CCDC192: variants seen among roughly 807,000 people sequenced by gnomAD.
The protein encoded by CCDC192 is coiled-coil domain-containing protein 192.
chr5:127,906,711 G>A (rs773079050), intron 6 of CCDC192, among the ~76,000 whole-genome samples: 10 of 152,032 alleles, frequency 6.6e-5, no homozygotes, highest in East Asian at 1.9e-4. Context: ...ACCTGAGCTC[G>A]GGAGTTAGAG....
intron 3 of CCDC192, chr5:127,785,929 T>C (rs983920980): frequency 3.3e-5 from 15 of 452,004 alleles, no homozygotes; most frequent in African/African-American, 3.1e-4. Flanking sequence ...GCATTTTTTA[T>C]GAAGGTCAAG....
At chr5:127,927,426 G>T (rs1304147851) in intron 6 of CCDC192, among the ~76,000 whole-genome samples, 2 of 152,186 alleles carry the variant, frequency 1.3e-5, no homozygotes, top group Non-Finnish European at 2.9e-5. Context: ...TCCACGGGGG[G>T]TCTTGGAACT....
At chr5:127,911,580 G>C (rs1233502280) in intron 6 of CCDC192, among the ~76,000 whole-genome samples, 1 of 151,910 alleles carries the variant, frequency 6.6e-6, no homozygotes, top group Non-Finnish European at 1.5e-5. Context: ...TATACAAAGA[G>C]ACAATTTTTC....
chr5:127,751,007 T>A (rs1086483), intron 2 of CCDC192, among the ~76,000 whole-genome samples: 38,838 of 143,892 alleles, frequency 0.27, 5,787 homozygotes, highest in South Asian at 0.42. Context: ...CCTATGTGTG[T>A]CTCTGCACGT....
chr5:127,768,605 G>C (rs900117002), intron 3 of CCDC192, among the ~76,000 whole-genome samples: 1 of 152,172 alleles, frequency 6.6e-6, no homozygotes, highest in South Asian at 2.1e-4. Context: ...TTTTATGGCA[G>C]CCATAGCAGA....
intron 5 of CCDC192, among the ~76,000 whole-genome samples, chr5:127,804,763 T>A (rs1432641): frequency 0.78 from 118,355 of 152,108 alleles, 46,173 homozygotes; most frequent in East Asian, 0.9. Context: ...TGCTAAAGTC[T>A]GAAATTCTGG....
chr5:127,733,747 C>G lies in CCDC192; in HGVS notation c.115-20521C>G, dbSNP rs138641424. ...GATATTACTTCTAAGTCTTCTATCACTGTAGCCTCTGAAAACAGAATGACC... is the reference window on the plus strand; with the variant it reads ...GATATTACTTCTAAGTCTTCTATCAGTGTAGCCTCTGAAAACAGAATGACC... On this transcript the variant is annotated intron_variant, in intron 2 of 6. Transcript: ENST00000514853. Among the ~76,000 whole-genome samples the G allele has an allele frequency of 4.5e-3, 690 of 152,088 alleles. 4 individuals carry two copies. The highest frequency in any genetic ancestry group is 0.016 in the African/African-American group (666 of 41,500).
chr5:127,867,850 T>A (rs932772390), intron 5 of CCDC192, among the ~76,000 whole-genome samples: 1 of 152,172 alleles, frequency 6.6e-6, no homozygotes, highest in African/African-American at 2.4e-5. Context: ...ATCAACTTCA[T>A]TGATGTTTAC....
At chr5:127,869,986 C>T (rs991559549) in intron 5 of CCDC192, among the ~76,000 whole-genome samples, 1 of 152,124 alleles carries the variant, frequency 6.6e-6, no homozygotes, top group Non-Finnish European at 1.5e-5. Context: ...GGCTCTGGGT[C>T]AAGGTTAGGG....
At chr5:127,914,904 G>C (rs940662258) in intron 6 of CCDC192, among the ~76,000 whole-genome samples, 1 of 152,166 alleles carries the variant, frequency 6.6e-6, no homozygotes, top group African/African-American at 2.4e-5. Flanking sequence ...AAGGGCCCAA[G>C]TTTGAACATG....
At chr5:127,729,323 T>C (rs1241544540) in intron 2 of CCDC192, among the ~76,000 whole-genome samples, 1 of 152,202 alleles carries the variant, frequency 6.6e-6, no homozygotes, top group Non-Finnish European at 1.5e-5. Flanking sequence ...CTATCCTAAA[T>C]ATATATGCAC....
intron 3 of CCDC192, among the ~76,000 whole-genome samples, chr5:127,790,700 A>G (rs1756820321): frequency 1.3e-5 from 2 of 152,326 alleles, no homozygotes; most frequent in Middle Eastern, 3.4e-3. Flanking sequence ...AAGTGAAAAC[A>G]TATTAGGCAT....
At chr5:127,719,231 G>A (rs548470631) in intron 2 of CCDC192, among the ~76,000 whole-genome samples, 10 of 151,990 alleles carry the variant, frequency 6.6e-5, no homozygotes, top group East Asian at 1.9e-4. Flanking sequence ...ACAGGATATC[G>A]TTCTTTTATA....
At chr5:127,874,055 A>T (rs1751970093) in intron 5 of CCDC192, among the ~76,000 whole-genome samples, 1 of 152,126 alleles carries the variant, frequency 6.6e-6, no homozygotes, top group African/African-American at 2.4e-5. Context: ...GGAGGCAGAG[A>T]CTATCAGCCT....
At chr5:127,781,538 T>G (rs1756220580) in intron 3 of CCDC192, among the ~76,000 whole-genome samples, 1 of 152,006 alleles carries the variant, frequency 6.6e-6, no homozygotes, top group African/African-American at 2.4e-5. Context: ...CTTGTGCACG[T>G]CTTTCACCTC....
chr5:127,846,442 T>G (rs1381803550), intron 5 of CCDC192, among the ~76,000 whole-genome samples: 1 of 152,026 alleles, frequency 6.6e-6, no homozygotes, highest in Non-Finnish European at 1.5e-5. Context: ...AAGCATATTA[T>G]CTTTCTTTGT....
intron 5 of CCDC192, among the ~76,000 whole-genome samples, chr5:127,861,001 G>A (rs245185): frequency 0.25 from 37,433 of 151,940 alleles, 4,824 homozygotes; most frequent in Non-Finnish European, 0.29. Context: ...TAAGAAGCAT[G>A]GGTTACTTTT....
chr5:127,880,009 C>A (rs1752281480), intron 6 of CCDC192, among the ~76,000 whole-genome samples: 1 of 152,100 alleles, frequency 6.6e-6, no homozygotes, highest in African/African-American at 2.4e-5. Context: ...ACTAGTTCAA[C>A]CATTGTGGAA....
intron 5 of CCDC192, among the ~76,000 whole-genome samples, chr5:127,829,964 G>A (rs1749709132): frequency 6.6e-6 from 1 of 152,056 alleles, no homozygotes; most frequent in Admixed American, 6.6e-5. Flanking sequence ...CCAAAAATTT[G>A]CATTGTGAAA....
Sources: gnomAD v4.1 joint callset for allele counts (sites outside exome capture counted in the v4.1 genomes callset) on GRCh38, gnomAD v4.1.1 for gene constraint, MANE v1.5 for transcripts, NCBI Gene and HGNC (gene_info 2026-07-23, HGNC 2026-07-21) for gene names.